The following HEXA variants were observed in gnomAD, a reference collection of about 807,000 sequenced individuals.
HEXA encodes the protein hexosaminidase subunit alpha, also known as beta-hexosaminidase subunit alpha.
HEXA carries 54 observed loss-of-function variants against 73.3 expected under a neutral mutation model. The observed-to-expected ratio is 0.74, with a 90% CI of 0.59 to 0.92. The LOEUF (loss-of-function observed/expected upper bound fraction) is 0.92, where lower values mean the gene tolerates loss of function less well. HEXA is among the 40% of genes least tolerant of loss of function. HEXA has a pLI of 0.00. For missense variants in HEXA, 649 were observed against 653.0 expected, an observed-to-expected ratio of 0.99 and a Z score of 0.07; for synonymous variants, 230 against 246.9, an observed-to-expected ratio of 0.93 and a Z score of 0.64.
Position 72,355,562 on chromosome 15 carries a change from G to GGAGAGCTCCCCAGACAGTCTCA in HEXA, c.387_408dup (p.Arg137Ter), listed in dbSNP as rs1567300278. Reference sequence around the variant, plus strand: ...TTAATCAGCCCCAATTTGTTACCTCGGAGAGCTCCCCAGACAGTCTCAGAG... The same window carrying GGAGAGCTCCCCAGACAGTCTCA: ...TTAATCAGCCCCAATTTGTTACCTCGGAGAGCTCCCCAGACAGTCTCAGAGAGCTCCCCAGACAGTCTCAGAG... On this transcript the variant is annotated stop_gained and frameshift_variant, in exon 3 of 14. Transcript: ENST00000268097. LOFTEE classifies it high-confidence loss of function. The GGAGAGCTCCCCAGACAGTCTCA allele has an allele frequency of 6.2e-7, 1 of 1,602,018 alleles. No individual in the cohort carries two copies. The highest frequency in any genetic ancestry group is 1.7e-5 in the Admixed American group (1 of 59,972).
In HEXA at chr15:72,351,119, A is replaced by T. The variant is rs1319324646; in HGVS notation, c.672+14T>A. The stretch of plus-strand genomic sequence containing the variant: ...TTGACCCATAAACTTGGTCTGAGTG[A>T]AACGGGAACATACCTTTCTCATGAG... On this transcript the variant is annotated intron_variant, in intron 6 of 13. Transcript: ENST00000268097. 1.3e-6 allele frequency: 2 copies of T among 1,541,338 alleles called. No homozygotes were observed. Among genetic ancestry groups the T allele is most frequent in the Admixed American group, 1.7e-5 (1 of 59,928 alleles).
At chr15:72,347,871 C>G in intron 9 of HEXA, 113 bp from the exon 10 acceptor site, 1 of 1,094,758 alleles carries the variant, frequency 9.1e-7, no homozygotes, top group Non-Finnish European at 1.4e-6. Flanking sequence ...CCTCATTAAG[C>G]AGTGTCTTTC....
chr15:72,356,071 G>A, intron 2 of HEXA: 3 of 413,760 alleles, frequency 7.3e-6, no homozygotes, highest in Non-Finnish European at 1.4e-5. Flanking sequence ...CTCCAAGAAT[G>A]TGAGGAAGGA....
intron 1 of HEXA, among the ~76,000 whole-genome samples, chr15:72,364,759 T>A (rs2088894109): frequency 6.6e-6 from 1 of 151,856 alleles, no homozygotes; most frequent in African/African-American, 2.4e-5. Flanking sequence ...CAGCTGGATT[T>A]AAAAAAACAC....
chr15:72,353,908 A>G, intron 3 of HEXA, 171 bp from the exon 4 acceptor site: 1 of 671,232 alleles, frequency 1.5e-6, no homozygotes, highest in East Asian at 2.7e-5. Flanking sequence ...TTAGGAAGCC[A>G]CTATCCATCT....
intron 13 of HEXA, among the ~76,000 whole-genome samples, chr15:72,344,849 C>T (rs2088589264): frequency 6.6e-6 from 1 of 152,166 alleles, no homozygotes; most frequent in African/African-American, 2.4e-5. Flanking sequence ...CAGGCACATC[C>T]CTGACAGAGG....
intron 12 of HEXA, chr15:72,345,996 G>C: frequency 1.7e-6 from 1 of 579,440 alleles, no homozygotes; most frequent in South Asian, 2.0e-5. Context: ...TATCTCTCTG[G>C]GAAGTAAGGT....
intron 3 of HEXA, chr15:72,354,111 C>G (rs2088740545): frequency 4.0e-6 from 1 of 249,692 alleles, no homozygotes; most frequent in Non-Finnish European, 7.7e-6. Context: ...AAGAGTTGGA[C>G]TTTTCATGGA....
intron 1 of HEXA, among the ~76,000 whole-genome samples, chr15:72,363,678 C>T (rs2088881062): frequency 6.6e-6 from 1 of 152,202 alleles, no homozygotes; most frequent in African/African-American, 2.4e-5. Context: ...GGAAGTATCA[C>T]TCTCTCCAGC....
rs1191393120 is a variant in HEXA at position 72,341,004 on chromosome 15, T to G, written c.*3073A>C. 4 of 152,132 alleles carry G rather than the reference T, an allele frequency of 2.6e-5. No individual in the cohort carries two copies. The highest frequency in any genetic ancestry group is 5.9e-5 in the Non-Finnish European group (4 of 68,022). The allele number at this position is 152,132 out of a possible 1,614,324, so 9.4% of individuals were successfully genotyped here. On this transcript the variant is annotated 3_prime_UTR_variant, in exon 14 of 14. Coordinates refer to ENST00000268097, the MANE Select transcript of HEXA (RefSeq NM_000520.6). ...ATAAACAAAGCACCCAATTCCTACT[T>G]ATTTTTTTTCTTCGTGGAAAAAAAA...
intron 1 of HEXA, among the ~76,000 whole-genome samples, chr15:72,375,260 T>C (rs1241045966): frequency 1.3e-5 from 2 of 152,068 alleles, no homozygotes; most frequent in East Asian, 3.9e-4. Flanking sequence ...GGCTAATTTT[T>C]TGTGTTTTTG....
chr15:72,340,926 C>T lies in HEXA; in HGVS notation c.*3151G>A, dbSNP rs1010229484. ...AATGGTGGCTCGGCTAGAAAAGATACTAATTTTCAACCTTTATTTCAAAGT... is the reference window on the plus strand; with the variant it reads ...AATGGTGGCTCGGCTAGAAAAGATATTAATTTTCAACCTTTATTTCAAAGT... On this transcript the variant is annotated 3_prime_UTR_variant, in exon 14 of 14. Coordinates refer to ENST00000268097, the MANE Select transcript of HEXA (RefSeq NM_000520.6). 6.6e-6 allele frequency: 1 copy of T among 151,046 alleles called. No individual in the cohort carries two copies. Among genetic ancestry groups the T allele is most frequent in the Non-Finnish European group, 1.5e-5 (1 of 67,868 alleles). 9.4% of individuals were successfully genotyped at this position (151,046 alleles called of 1,614,324 possible).
chr15:72,366,954 G>GT (rs1158340847), intron 1 of HEXA, among the ~76,000 whole-genome samples: 1 of 147,990 alleles, frequency 6.8e-6, no homozygotes, highest in Non-Finnish European at 1.5e-5. Context: ...TTTTTGTTTT[G>GT]TTTTTTGAGA....
At chr15:72,351,288 T>A in intron 5 of HEXA, 54 bp from the exon 6 acceptor site, 1 of 1,249,364 alleles carries the variant, frequency 8.0e-7, no homozygotes, top group East Asian at 2.3e-5. Flanking sequence ...GGTTTCAGCC[T>A]CAAACTTGCG....
Position 72,375,993 on chromosome 15 carries a change from C to T in HEXA, c.-21G>A. On this transcript the variant is annotated 5_prime_UTR_variant, in exon 1 of 14. Coordinates refer to ENST00000268097, the MANE Select transcript of HEXA (RefSeq NM_000520.6). ...GTCATGGCCCGCTGGTCTCCCCTCT[C>T]GGAGGGGGCTGGCCACGTGAGACCC... 6.2e-7 allele frequency: 1 copy of T among 1,611,124 alleles called. No individual in the cohort carries two copies. The highest frequency in any genetic ancestry group is 1.7e-5 in the Admixed American group (1 of 60,026).
chr15:72,359,629 G>A (rs1473163956), intron 1 of HEXA: 1 of 138,284 alleles, frequency 7.2e-6, no homozygotes, highest in Non-Finnish European at 1.5e-5. Context: ...CCAAGAGACG[G>A]AGGCTACAGT....
Position 72,353,176 on chromosome 15 carries a change from G to C in HEXA, c.462C>G (p.Phe154Leu). Residue 154 changes from phenylalanine (F) to leucine (L), a missense_variant and splice_region_variant, in exon 5 of 14, where the codon TTC becomes TTG. Coordinates refer to ENST00000268097, the MANE Select transcript of HEXA (RefSeq NM_000520.6). ...QLVWKSAEGT[F>L]FINKTEIEDF... Reference sequence around the variant, plus strand: ...CCTCAATCTCAGTCTTGTTGATAAAGAACTGTGCAGAACAAACATTGAACA... The same window carrying C: ...CCTCAATCTCAGTCTTGTTGATAAACAACTGTGCAGAACAAACATTGAACA... The C allele has an allele frequency of 6.4e-7, 1 of 1,567,048 alleles. No homozygotes were observed. Among genetic ancestry groups the C allele is most frequent in the Non-Finnish European group, 8.8e-7 (1 of 1,137,824 alleles).
intron 1 of HEXA, among the ~76,000 whole-genome samples, chr15:72,367,035 C>T: frequency 6.6e-6 from 1 of 152,118 alleles, no homozygotes; most frequent in East Asian, 1.9e-4. Context: ...CCTCCACCTC[C>T]TGGATTCAAG....
At chr15:72,345,747 A>G (rs2088604412) in intron 12 of HEXA, 197 bp from the exon 13 acceptor site, 1 of 733,588 alleles carries the variant, frequency 1.4e-6, no homozygotes. Context: ...CTTCATTAAA[A>G]TGTGGGTAGC....
Sources: gnomAD v4.1 joint callset for allele counts (sites outside exome capture counted in the v4.1 genomes callset) on GRCh38, gnomAD v4.1.1 for gene constraint, MANE v1.5 for transcripts, NCBI Gene and HGNC (gene_info 2026-07-23, HGNC 2026-07-21) for gene names.